PLAAT3: variants seen among roughly 807,000 people sequenced by gnomAD.
The protein encoded by PLAAT3 is Ca-independent phospholipase A1/2.
PLAAT3 carries 21 observed loss-of-function variants against 16.7 expected under a neutral mutation model. That is an observed-to-expected ratio of 1.26 (90% confidence interval 0.89 to 1.81). PLAAT3 has a LOEUF of 1.81. PLAAT3 is among the 40% of genes most tolerant of loss of function. The pLI, the probability that PLAAT3 is intolerant of heterozygous loss-of-function variation, is 0.00. For synonymous variants in PLAAT3, 76 were observed against 81.7 expected, an observed-to-expected ratio of 0.93 and a Z score of 0.38; for missense variants, 219 against 213.7, an observed-to-expected ratio of 1.02 and a Z score of -0.16.
At chr11:63,600,582 T>TG (rs1938399758) in intron 2 of PLAAT3, among the ~76,000 whole-genome samples, 1 of 130,338 alleles carries the variant, frequency 7.7e-6, no homozygotes, top group Non-Finnish European at 1.6e-5. Flanking sequence ...ATGGTTTTTT[T>TG]GTTTTTTTTG....
At chr11:63,582,163 C>A (rs757425331) in intron 4 of PLAAT3, among the ~76,000 whole-genome samples, 1 of 152,192 alleles carries the variant, frequency 6.6e-6, no homozygotes, top group Non-Finnish European at 1.5e-5. Context: ...TAACCACTAT[C>A]CTCTCCCATT....
chr11:63,615,811 A>G (rs590570), upstream of PLAAT3, among the ~76,000 whole-genome samples: 140,887 of 151,664 alleles, frequency 0.93, 66,329 homozygotes, highest in East Asian at 1. Flanking sequence ...GGGATTACAG[A>G]CGTGCACCAC....
chr11:63,590,253 G>T lies in PLAAT3; in HGVS notation c.234C>A (p.Asn78Lys), dbSNP rs895602501. Reference protein sequence around the residue: ...VAGSDKYQVNNKHDDKYSPLP... With the variant: ...VAGSDKYQVNKKHDDKYSPLP... ...GCGGCGAGTACTTGTCATCATGTTT[G>T]TTGTTGACCTGGTACTTGTCACTCC... Residue 78 changes from asparagine to lysine, a missense_variant, in exon 4 of 5, where the codon AAC (asparagine) becomes AAA (lysine). Physicochemically the swap from Asn to Lys is moderately conservative, Grantham distance 94. Transcript: ENST00000415826. 3.7e-6 allele frequency: 6 copies of T among 1,614,100 alleles called. No homozygotes were observed. Among genetic ancestry groups the T allele is most frequent in the Non-Finnish European group, 4.2e-6 (5 of 1,180,020 alleles).
intron 1 of PLAAT3, 101 bp downstream of exon 1, chr11:63,614,284 C>T (rs538828117): frequency 3.7e-6 from 2 of 545,972 alleles, no homozygotes; most frequent in East Asian, 3.2e-5. Context: ...AGTCTACACC[C>T]GCCCTACCCA....
intron 2 of PLAAT3, chr11:63,598,620 C>T: frequency 2.0e-6 from 1 of 498,092 alleles, no homozygotes; most frequent in Non-Finnish European, 4.0e-6. Flanking sequence ...GTGACTTGGC[C>T]AGGACTGAAC....
Position 63,584,520 on chromosome 11 carries a change from T to G in PLAAT3, c.387+5580A>C, listed in dbSNP as rs918315160. On this transcript the variant is annotated intron_variant, in intron 4 of 4. Coordinates refer to ENST00000415826, the MANE Select transcript of PLAAT3 (RefSeq NM_001128203.2). ...AACTTTTTTTTTTGTTTTTTTTTGT[T>G]TTTTTTTTTTTGAGACAGAGTCTTG... Among the ~76,000 whole-genome samples, 17 of 149,722 alleles carry G rather than the reference T, an allele frequency of 1.1e-4. No homozygotes were observed. The South Asian group carries it at 2.5e-3, about 22-fold the overall frequency.
chr11:63,596,189 G>A (rs987406629), intron 3 of PLAAT3, among the ~76,000 whole-genome samples: 6 of 139,528 alleles, frequency 4.3e-5, no homozygotes, highest in African/African-American at 1.4e-4. Flanking sequence ...GCAGTGAGCC[G>A]AGATCGCGCC....
intron 2 of PLAAT3, among the ~76,000 whole-genome samples, chr11:63,605,654 G>A (rs1289546641): frequency 2.0e-5 from 3 of 151,826 alleles, no homozygotes; most frequent in Non-Finnish European, 2.9e-5. Flanking sequence ...CCGGGTTCAC[G>A]CCATTCTCCT....
intron 2 of PLAAT3, among the ~76,000 whole-genome samples, chr11:63,606,425 A>AACACACACACAC (rs34044017): frequency 0.027 from 3,793 of 140,116 alleles, 88 homozygotes; most frequent in Middle Eastern, 0.065. Context: ...TCTACTATAA[A>AACACACACACAC]ACACACACAC....
chr11:63,615,152 A>ATATATGTGTATG (rs1938819435), upstream of PLAAT3, among the ~76,000 whole-genome samples: 2 of 25,914 alleles, frequency 7.7e-5, 1 homozygote, highest in African/African-American at 1.4e-4. Context: ...ATATGTGTGT[A>ATATATGTGTATG]TATATGTGTA....
intron 2 of PLAAT3, among the ~76,000 whole-genome samples, chr11:63,601,200 G>A (rs997016751): frequency 6.6e-6 from 1 of 150,750 alleles, no homozygotes; most frequent in African/African-American, 2.4e-5. Flanking sequence ...GACTACAGGC[G>A]CCTGCCACCA....
At chr11:63,580,006 C>T (rs1331812941) in intron 4 of PLAAT3, among the ~76,000 whole-genome samples, 2 of 151,898 alleles carry the variant, frequency 1.3e-5, no homozygotes, top group Non-Finnish European at 2.9e-5. Flanking sequence ...ACAAATAATT[C>T]AGACACACAG....
intron 3 of PLAAT3, among the ~76,000 whole-genome samples, chr11:63,597,340 C>A (rs531781710): frequency 2.4e-3 from 369 of 152,054 alleles, no homozygotes; most frequent in Non-Finnish European, 4.0e-3. Flanking sequence ...CTGGCTAACA[C>A]GGTGAAACCC....
At chr11:63,607,691 G>A (rs1938601426) in intron 2 of PLAAT3, among the ~76,000 whole-genome samples, 1 of 151,776 alleles carries the variant, frequency 6.6e-6, no homozygotes, top group Non-Finnish European at 1.5e-5. Context: ...ACACCGTGCT[G>A]CAATCATAGA....
chr11:63,601,327 C>T (rs1785681943), intron 2 of PLAAT3, among the ~76,000 whole-genome samples: 1 of 149,978 alleles, frequency 6.7e-6, no homozygotes, highest in Non-Finnish European at 1.5e-5. Context: ...GAGACTCCAT[C>T]TCAAAAAATA....
upstream of PLAAT3, among the ~76,000 whole-genome samples, chr11:63,615,120 G>A (rs1402397593): frequency 6.4e-5 from 2 of 31,020 alleles, 1 homozygote; most frequent in African/African-American, 1.7e-4. Context: ...GTGTATATAT[G>A]TGTGTATATA....
intron 3 of PLAAT3, among the ~76,000 whole-genome samples, chr11:63,590,771 G>T (rs546949734): frequency 1.6e-4 from 25 of 152,328 alleles, no homozygotes; most frequent in Admixed American, 7.8e-4. Flanking sequence ...GCTTACTGCA[G>T]AAAACATGGC....
chr11:63,615,032 GTA>G (rs1160965156), upstream of PLAAT3, among the ~76,000 whole-genome samples: 127 of 31,486 alleles, frequency 4.0e-3, 21 homozygotes, highest in African/African-American at 9.0e-3. Flanking sequence ...ATATATGTGT[GTA>G]TATATATGTA....
At chr11:63,615,086 ATG>A (rs1555047840), upstream of PLAAT3, among the ~76,000 whole-genome samples, 1 of 20,192 alleles carries the variant, frequency 5.0e-5, no homozygotes, top group African/African-American at 8.4e-5. Flanking sequence ...GTGTGTATAT[ATG>A]TGTATATATG....
Sources: gnomAD v4.1 joint callset for allele counts (sites outside exome capture counted in the v4.1 genomes callset) on GRCh38, gnomAD v4.1.1 for gene constraint, MANE v1.5 for transcripts, NCBI Gene and HGNC (gene_info 2026-07-23, HGNC 2026-07-21) for gene names.